The following DLG2 variants were observed in gnomAD, a reference collection of about 807,000 sequenced individuals.
DLG2 encodes discs large MAGUK scaffold protein 2.
Under a neutral mutation model 132.5 loss-of-function variants are expected in DLG2, and 45 were observed. The ratio of observed to expected loss-of-function variants is 0.34; its 90% confidence interval spans 0.27 to 0.44. The LOEUF (loss-of-function observed/expected upper bound fraction) is 0.44. Ranked by LOEUF, DLG2 falls within the 20% of genes least tolerant of loss-of-function variation. The pLI is 1.00. For missense variants in DLG2, 1,045 were observed against 1,196.9 expected (o/e 0.87, Z 1.87); for synonymous variants, 424 against 419.6 (o/e 1.01, Z -0.13).
chr11:85,375,473 G>A (rs907732774), intron 3 of DLG2, among the ~76,000 whole-genome samples: 4 of 152,190 alleles, frequency 2.6e-5, no homozygotes, highest in Admixed American at 6.5e-5. Context: ...GAGGCCAGGA[G>A]TTTGAGACCA....
chr11:83,748,737 G>A (rs999387998), intron 18 of DLG2, among the ~76,000 whole-genome samples: 2 of 152,028 alleles, frequency 1.3e-5, no homozygotes, highest in African/African-American at 2.4e-5. Flanking sequence ...ATAGTTTAAG[G>A]GTATCTTTTA....
chr11:85,352,015 T>C (rs1364644123), intron 3 of DLG2, among the ~76,000 whole-genome samples: 2 of 152,232 alleles, frequency 1.3e-5, no homozygotes, highest in Non-Finnish European at 1.5e-5. Context: ...TCTGATAGAA[T>C]CTGGCTGTAA....
intron 8 of DLG2, among the ~76,000 whole-genome samples, chr11:84,215,602 C>G (rs2096825769): frequency 1.3e-5 from 2 of 152,008 alleles, no homozygotes; most frequent in East Asian, 3.9e-4. Flanking sequence ...ATGTAGTGTC[C>G]CATCTACATG....
Position 85,357,704 on chromosome 11 carries a change from TTATATATATATATATATATA to T in DLG2, c.41-72359_41-72340del, listed in dbSNP as rs58283704. ...ACAATACGCCAGGCACTGTTCTGAA[TTATATATATATATATATATA>T]TATATATATATATATATATATATAT... On this transcript the variant is annotated intron_variant, in intron 3 of 27. Transcript: ENST00000376104. 3.4e-3 allele frequency among the ~76,000 whole-genome samples: 363 copies of T among 106,254 alleles called. 2 individuals are homozygous for T. Among genetic ancestry groups the T allele is most frequent in the Middle Eastern group, 4.5e-3 (1 of 224 alleles). The allele number at this position is 106,254 out of a possible 152,430, so 69.7% of individuals were successfully genotyped here.
At chr11:84,268,253 A>G (rs894684796) in intron 7 of DLG2, among the ~76,000 whole-genome samples, 1 of 151,640 alleles carries the variant, frequency 6.6e-6, no homozygotes, top group Non-Finnish European at 1.5e-5. Flanking sequence ...CAGATGGATC[A>G]CTCTTCCCTT....
In DLG2 at chr11:85,567,277, C is replaced by A. The variant is rs540414873; in HGVS notation, c.40+31380G>T. On this transcript the variant is annotated intron_variant, in intron 3 of 27. Coordinates refer to ENST00000376104, the MANE Select transcript of DLG2 (RefSeq NM_001142699.3). ...AATACAGGAAGTATTACCATCTTAACCATATTAAGTCTTCCAACCCATGAA... is the reference window on the plus strand; with the variant it reads ...AATACAGGAAGTATTACCATCTTAAACATATTAAGTCTTCCAACCCATGAA... 4.6e-5 allele frequency among the ~76,000 whole-genome samples: 7 copies of A among 152,230 alleles called. No individual in the cohort carries two copies. The East Asian group carries it at 1.3e-3, about 29-fold the overall frequency.
intron 11 of DLG2, among the ~76,000 whole-genome samples, chr11:84,031,588 G>A (rs1357790957): frequency 6.6e-6 from 1 of 152,296 alleles, no homozygotes; most frequent in African/African-American, 2.4e-5. Flanking sequence ...AGGTATGAAT[G>A]TATGTACAAG....
intron 8 of DLG2, among the ~76,000 whole-genome samples, chr11:84,248,672 T>A (rs902038663): frequency 6.6e-6 from 1 of 152,026 alleles, no homozygotes; most frequent in African/African-American, 2.4e-5. Flanking sequence ...CTGGCCAACA[T>A]GGCAAAAACT....
intron 6 of DLG2, among the ~76,000 whole-genome samples, chr11:84,620,447 T>C (rs1464830026): frequency 6.6e-6 from 1 of 151,938 alleles, no homozygotes; most frequent in Non-Finnish European, 1.5e-5. Flanking sequence ...TTAAAATGAA[T>C]AACTTAATCT....
chr11:84,954,450 C>T (rs1373948021), intron 6 of DLG2, among the ~76,000 whole-genome samples: 4 of 151,874 alleles, frequency 2.6e-5, no homozygotes, highest in South Asian at 2.1e-4. Context: ...TAATGGATCA[C>T]GTTCCTTTTA....
chr11:83,857,561 T>C (rs1156517002), intron 16 of DLG2, among the ~76,000 whole-genome samples: 1 of 152,162 alleles, frequency 6.6e-6, no homozygotes, highest in Non-Finnish European at 1.5e-5. Context: ...TTCAGATAAT[T>C]TTTAGGGCAG....
intron 6 of DLG2, among the ~76,000 whole-genome samples, chr11:84,578,757 G>T (rs2099509359): frequency 6.6e-6 from 1 of 152,106 alleles, no homozygotes; most frequent in South Asian, 2.1e-4. Context: ...GGGGACTGCT[G>T]GGAAGCCATG....
chr11:85,392,074 A>G (rs999166611), intron 3 of DLG2, among the ~76,000 whole-genome samples: 2 of 152,170 alleles, frequency 1.3e-5, no homozygotes, highest in African/African-American at 2.4e-5. Flanking sequence ...AGAACTGGCA[A>G]ATAAATTAAG....
intron 3 of DLG2, among the ~76,000 whole-genome samples, chr11:85,350,077 T>C (rs748324626): frequency 2.0e-5 from 3 of 152,198 alleles, no homozygotes; most frequent in African/African-American, 4.8e-5. Context: ...GCATCTGTTG[T>C]TTCCTGACTT....
At chr11:84,642,414 C>T (rs1367876466) in intron 6 of DLG2, among the ~76,000 whole-genome samples, 1 of 151,886 alleles carries the variant, frequency 6.6e-6, no homozygotes, top group East Asian at 1.9e-4. Context: ...ACATATTTTG[C>T]TATAATGAGA....
At chr11:83,518,684 G>T (rs568516912) in intron 21 of DLG2, among the ~76,000 whole-genome samples, 1 of 152,222 alleles carries the variant, frequency 6.6e-6, no homozygotes, top group South Asian at 2.1e-4. Flanking sequence ...AACTTTAAGT[G>T]TCTGAATTAT....
At chr11:84,664,670 A>G (rs1196162451) in intron 6 of DLG2, among the ~76,000 whole-genome samples, 1 of 152,120 alleles carries the variant, frequency 6.6e-6, no homozygotes, top group Non-Finnish European at 1.5e-5. Context: ...GTGGGCCAAA[A>G]AGCTTCAAAT....
At chr11:84,350,592 G>A (rs750882212) in intron 7 of DLG2, among the ~76,000 whole-genome samples, 2 of 152,166 alleles carry the variant, frequency 1.3e-5, no homozygotes, top group Non-Finnish European at 2.9e-5. Context: ...TAAGAAACTG[G>A]AGAGAATGGA....
chr11:85,440,989 T>A (rs2091750967), intron 3 of DLG2, among the ~76,000 whole-genome samples: 1 of 152,176 alleles, frequency 6.6e-6, no homozygotes, highest in Non-Finnish European at 1.5e-5. Context: ...CAGGAGCATT[T>A]TGATATTTGG....
Sources: gnomAD v4.1 joint callset for allele counts (sites outside exome capture counted in the v4.1 genomes callset) on GRCh38, gnomAD v4.1.1 for gene constraint, MANE v1.5 for transcripts, NCBI Gene and HGNC (gene_info 2026-07-23, HGNC 2026-07-21) for gene names.